The following STARD13 variants were observed in gnomAD, a reference collection of about 807,000 sequenced individuals.
The protein encoded by STARD13 is StAR related lipid transfer domain containing 13.
In STARD13, 62 loss-of-function variants were observed where a neutral mutation model predicts 106.4. That is an observed-to-expected ratio of 0.58 (90% CI 0.48 to 0.72). The LOEUF is 0.72. Ranked by LOEUF, STARD13 falls within the 30% of genes least tolerant of loss-of-function variation. The pLI, the probability that STARD13 is intolerant of heterozygous loss-of-function variation, is 0.00. For missense variants in STARD13, 1,387 were observed against 1,424.0 expected (o/e 0.97, Z 0.42); for synonymous variants, 565 against 553.0 (o/e 1.02, Z -0.31).
At chr13:33,350,832 G>A (rs2078071781), upstream of STARD13, 1 of 182,696 alleles carries the variant, frequency 5.5e-6, no homozygotes, top group Non-Finnish European at 1.0e-5. Flanking sequence ...CCCACTCAAG[G>A]AGCTTCCAGC....
chr13:33,138,953 A>G, intron 4 of STARD13: 1 of 430,306 alleles, frequency 2.3e-6, no homozygotes. Context: ...TGTATAAGAA[A>G]GGTGTATGGC....
At chr13:33,670,825 T>C in the STARD13 span, among the ~76,000 whole-genome samples, 1 of 152,216 alleles carries the variant, frequency 6.6e-6, no homozygotes. Flanking sequence ...GCTAGGCCCA[T>C]ATTTCTTCAT....
At chr13:33,642,851 A>C in the STARD13 span, among the ~76,000 whole-genome samples, 6 of 151,926 alleles carry the variant, frequency 3.9e-5, no homozygotes, top group South Asian at 4.1e-4. Context: ...AAAAAAAAAA[A>C]AAAAAAACCT....
chr13:33,578,390 T>A, the STARD13 span, among the ~76,000 whole-genome samples: 1 of 151,752 alleles, frequency 6.6e-6, no homozygotes, highest in African/African-American at 2.4e-5. Flanking sequence ...AGCAAATAAA[T>A]TAGGGAAAGG....
chr13:33,262,141 T>G (rs1260288426), intron 1 of STARD13, among the ~76,000 whole-genome samples: 1 of 152,252 alleles, frequency 6.6e-6, no homozygotes, highest in East Asian at 1.9e-4. Flanking sequence ...ATATTTTAAC[T>G]GTCATCTATT....
At chr13:33,218,348 G>C (rs1288187870) in intron 1 of STARD13, among the ~76,000 whole-genome samples, 4 of 152,198 alleles carry the variant, frequency 2.6e-5, no homozygotes, top group Admixed American at 1.3e-4. Context: ...TCCAGGTGAA[G>C]GGTAAGTGAA....
the STARD13 span, among the ~76,000 whole-genome samples, chr13:33,650,213 C>G: frequency 1.3e-5 from 1 of 75,724 alleles, no homozygotes; most frequent in Admixed American, 2.3e-4. Context: ...TTTTTTGAGA[C>G]GGCATCTCAC....
At chr13:33,508,552 T>C in the STARD13 span, among the ~76,000 whole-genome samples, 1 of 152,210 alleles carries the variant, frequency 6.6e-6, no homozygotes, top group Non-Finnish European at 1.5e-5. Context: ...TTATTTGCAC[T>C]GAAGCGAACC....
chr13:33,554,473 AT>A, the STARD13 span, among the ~76,000 whole-genome samples: 1 of 152,214 alleles, frequency 6.6e-6, no homozygotes, highest in African/African-American at 2.4e-5. Context: ...ACTGAGCATA[AT>A]AATAGTGCCT....
intron 9 of STARD13, 73 bp from the exon 10 acceptor site, chr13:33,111,965 T>C: frequency 1.1e-6 from 1 of 937,466 alleles, no homozygotes; most frequent in Non-Finnish European, 1.7e-6. Flanking sequence ...CTCATCCCTT[T>C]TGTTTTCTGT....
At chr13:33,612,371 A>C in the STARD13 span, among the ~76,000 whole-genome samples, 6 of 152,300 alleles carry the variant, frequency 3.9e-5, no homozygotes, top group African/African-American at 1.4e-4. Context: ...GAAAGTGTGC[A>C]CAAACCTACA....
At chr13:33,121,539 G>A (rs1876303714) in intron 7 of STARD13, among the ~76,000 whole-genome samples, 1 of 149,048 alleles carries the variant, frequency 6.7e-6, no homozygotes, top group Non-Finnish European at 1.5e-5. Flanking sequence ...CTGCACTCTA[G>A]CCTGGGCAAC....
the STARD13 span, among the ~76,000 whole-genome samples, chr13:33,407,034 G>A: frequency 2.6e-5 from 4 of 152,306 alleles, no homozygotes; most frequent in African/African-American, 4.8e-5. Flanking sequence ...TAAAGTGAGC[G>A]GAGGTAATGA....
At chr13:33,336,240 T>G (rs1319224951) in intron 1 of STARD13, 1 of 152,264 alleles carries the variant, frequency 6.6e-6, no homozygotes, top group Non-Finnish European at 1.5e-5. Context: ...AATTTATTTA[T>G]ACAAATTCAG....
the STARD13 span, among the ~76,000 whole-genome samples, chr13:33,361,370 A>G: frequency 1.3e-5 from 2 of 152,158 alleles, no homozygotes; most frequent in South Asian, 2.1e-4. Flanking sequence ...GTGTTAACCA[A>G]TGGTTTATAC....
chr13:33,381,505 C>T, the STARD13 span, among the ~76,000 whole-genome samples: 14 of 152,192 alleles, frequency 9.2e-5, no homozygotes, highest in Admixed American at 2.6e-4. Context: ...TTTGGGAGGC[C>T]GAGGTGGGCT....
the STARD13 span, among the ~76,000 whole-genome samples, chr13:33,632,424 C>T: frequency 2.0e-5 from 3 of 152,182 alleles, no homozygotes; most frequent in Non-Finnish European, 2.9e-5. Context: ...TATAAGGTGA[C>T]CATGAATCAT....
chr13:33,506,225 A>G, the STARD13 span, among the ~76,000 whole-genome samples: 1 of 152,158 alleles, frequency 6.6e-6, no homozygotes, highest in African/African-American at 2.4e-5. Context: ...CTTTCCTTGC[A>G]TTTTGCAAGG....
In STARD13 at chr13:33,237,487, C is replaced by G. The variant is rs145411168; in HGVS notation, c.169+47983G>C. 3.6e-3 allele frequency among the ~76,000 whole-genome samples: 541 copies of G among 152,268 alleles called. 2 individuals carry two copies. Among genetic ancestry groups the G allele is most frequent in the African/African-American group, 0.013 (522 of 41,560 alleles). On this transcript the variant is annotated intron_variant, in intron 1 of 13. Coordinates refer to ENST00000336934, the MANE Select transcript of STARD13 (RefSeq NM_178006.4). ...TCCTCCTTTTTGTTTCTGCCATTGA[C>G]CTGTTTTGCAGTAGTCTCACTTCCC...
Sources: gnomAD v4.1 joint callset for allele counts (sites outside exome capture counted in the v4.1 genomes callset) on GRCh38, gnomAD v4.1.1 for gene constraint, MANE v1.5 for transcripts, NCBI Gene and HGNC (gene_info 2026-07-23, HGNC 2026-07-21) for gene names.